NAA35: variants seen among roughly 807,000 people sequenced by gnomAD.
NAA35 encodes N-alpha-acetyltransferase 35, NatC auxiliary subunit, also known as MAK10 homolog, amino-acid N-acetyltransferase subunit.
NAA35 carries 18 observed loss-of-function variants against 101.7 expected under a neutral mutation model. That is an observed-to-expected ratio of 0.18 (90% confidence interval 0.12 to 0.26). NAA35 has a LOEUF of 0.26. Ranked by LOEUF, NAA35 falls within the 10% of genes least tolerant of loss-of-function variation. NAA35 has a pLI of 1.00. For missense variants in NAA35, 601 were observed against 886.8 expected (o/e 0.68, Z 4.09); for synonymous variants, 267 against 273.1 (o/e 0.98, Z 0.22).
At chr9:85,955,899 C>T (rs1303177146) in intron 2 of NAA35, among the ~76,000 whole-genome samples, 1 of 152,144 alleles carries the variant, frequency 6.6e-6, no homozygotes, top group African/African-American at 2.4e-5. Context: ...TACCTGTTTA[C>T]TCAAGTGTCT....
intron 2 of NAA35, among the ~76,000 whole-genome samples, chr9:85,955,346 ATATATATATATATATTTTT>A (rs1238220953): frequency 1.4e-5 from 1 of 69,404 alleles, no homozygotes; most frequent in African/African-American, 7.8e-5. Flanking sequence ...ATATATATAT[ATATATATATATATATTTTT>A]TTTTTTTTTT....
chr9:85,946,842 G>C (rs953945997), intron 2 of NAA35, among the ~76,000 whole-genome samples: 1 of 152,048 alleles, frequency 6.6e-6, no homozygotes, highest in Non-Finnish European at 1.5e-5. Context: ...ATTGGTTAAG[G>C]CCTTCCATAT....
chr9:86,003,750 A>C (rs1392540333), intron 13 of NAA35, 106 bp downstream of exon 13: 2 of 620,700 alleles, frequency 3.2e-6, no homozygotes, highest in African/African-American at 3.8e-5. Flanking sequence ...AGGATTTTCC[A>C]GTTAGTGTTG....
At chr9:86,012,789 T>C (rs4877958) in intron 15 of NAA35, among the ~76,000 whole-genome samples, 13,913 of 152,260 alleles carry the variant, frequency 0.091, 784 homozygotes, top group Non-Finnish European at 0.13. Flanking sequence ...CAAGAAGATA[T>C]CTAAAGATCG....
chr9:85,981,432 C>T (rs1368550320), intron 11 of NAA35, among the ~76,000 whole-genome samples: 2 of 152,150 alleles, frequency 1.3e-5, no homozygotes, highest in East Asian at 1.9e-4. Flanking sequence ...TTTCTTTTTG[C>T]CATGTCTGAC....
At chr9:86,021,077 AATC>A in intron 22 of NAA35, 108 bp downstream of exon 22, 3 of 762,108 alleles carry the variant, frequency 3.9e-6, no homozygotes, top group Non-Finnish European at 4.0e-6. Context: ...ACTGAACAAA[AATC>A]ATTCTAAAAA....
chr9:86,000,929 A>G (rs1831395498), intron 12 of NAA35, among the ~76,000 whole-genome samples: 1 of 151,846 alleles, frequency 6.6e-6, no homozygotes. Flanking sequence ...GCCTTCTGCT[A>G]GCTTGGAGAT....
Position 85,973,448 on chromosome 9 carries a change from C to G in NAA35, c.517-1519C>G, listed in dbSNP as rs1300552480. Among the ~76,000 whole-genome samples, 4 of 152,140 alleles carry G rather than the reference C, an allele frequency of 2.6e-5. No individual in the cohort carries two copies. In the East Asian group the frequency reaches 7.7e-4, roughly 29 times the overall value. Reference sequence around the variant, plus strand: ...TTACAAGAGTGAGCAATAGTGGTGACTTAAACTAGAGAGAGCTGTGAAAGG... The same window carrying G: ...TTACAAGAGTGAGCAATAGTGGTGAGTTAAACTAGAGAGAGCTGTGAAAGG... On this transcript the variant is annotated intron_variant, in intron 6 of 22. Transcript: ENST00000361671.
chr9:85,963,179 T>C (rs1282642631), intron 6 of NAA35, among the ~76,000 whole-genome samples: 2 of 152,122 alleles, frequency 1.3e-5, no homozygotes, highest in East Asian at 1.9e-4. Flanking sequence ...GTGTATAATA[T>C]GTAAAACTTT....
chr9:85,972,870 G>A (rs1341155325), intron 6 of NAA35, among the ~76,000 whole-genome samples: 1 of 152,152 alleles, frequency 6.6e-6, no homozygotes, highest in Non-Finnish European at 1.5e-5. Context: ...AAATAAAGCC[G>A]TGATCTCATG....
chr9:86,000,275 T>C (rs1831364950), intron 12 of NAA35, among the ~76,000 whole-genome samples: 1 of 152,212 alleles, frequency 6.6e-6, no homozygotes, highest in African/African-American at 2.4e-5. Flanking sequence ...ATTAGCTTTT[T>C]GATGTGCTGC....
At position 85,977,417 on chromosome 9, in the gene NAA35, A is replaced by T. The variant is rs200371490; in HGVS notation, c.733A>T (p.Thr245Ser). Residue 245 changes from threonine to serine, a missense_variant, in exon 10 of 23, where the codon ACA becomes TCA. By Grantham distance (58) the Thr-to-Ser change is moderately conservative. Coordinates refer to ENST00000361671, the MANE Select transcript of NAA35 (RefSeq NM_024635.4). Reference sequence around the variant, plus strand: ...AGTGAAATTTACTCGTGTGTTACTGACAGTGCTTATAGCCTTTACTAAGAA... The same window carrying T: ...AGTGAAATTTACTCGTGTGTTACTGTCAGTGCTTATAGCCTTTACTAAGAA... Reference protein sequence around the residue: ...SRVKFTRVLLTVLIAFTKKET... With the variant: ...SRVKFTRVLLSVLIAFTKKET... The T allele has an allele frequency of 1.7e-5, 27 of 1,611,532 alleles. No individual in the cohort carries two copies. In the East Asian group the frequency reaches 6.0e-4, roughly 36 times the overall value.
intron 14 of NAA35, 48 bp from the exon 15 acceptor site, chr9:86,009,817 T>A: frequency 6.8e-7 from 1 of 1,461,554 alleles, no homozygotes; most frequent in African/African-American, 1.4e-5. Flanking sequence ...TTGCTGCTGC[T>A]TTTGTTTGGG....
intron 10 of NAA35, 77 bp downstream of exon 10, chr9:85,977,523 C>A: frequency 9.9e-7 from 1 of 1,006,278 alleles, no homozygotes; most frequent in Non-Finnish European, 1.6e-6. Flanking sequence ...AGTTCTGAAA[C>A]TTCTCCCTTG....
At chr9:86,003,714 A>G (rs1284650136) in intron 13 of NAA35, 70 bp downstream of exon 13, 3 of 916,808 alleles carry the variant, frequency 3.3e-6, no homozygotes, top group African/African-American at 3.4e-5. Context: ...TTATTGATTG[A>G]TTGAACAAAA....
At chr9:85,971,905 G>T (rs1257773019) in intron 6 of NAA35, among the ~76,000 whole-genome samples, 1 of 150,378 alleles carries the variant, frequency 6.6e-6, no homozygotes, top group Non-Finnish European at 1.5e-5. Flanking sequence ...GTCATCATCA[G>T]CCCTTGCTTG....
At chr9:85,984,661 G>C (rs1830574195) in intron 11 of NAA35, among the ~76,000 whole-genome samples, 1 of 152,168 alleles carries the variant, frequency 6.6e-6, no homozygotes, top group Admixed American at 6.5e-5. Flanking sequence ...AGACAGTGTA[G>C]TTCTGGATAG....
Position 85,942,180 on chromosome 9 carries a change from AGAT to A in NAA35, c.27_29del (p.Asp11del), listed in dbSNP as rs985589632. 32 of 1,614,064 alleles carry A rather than the reference AGAT, an allele frequency of 2.0e-5. No individual in the cohort carries two copies. Among genetic ancestry groups the A allele is most frequent in the African/African-American group, 2.7e-5 (2 of 74,940 alleles). On this transcript the variant is annotated inframe_deletion, in exon 2 of 23. Transcript: ENST00000361671. ...GCATAATGGTTATGAAAGCTTCTGTAGATGATGACGATTCAGGATGGGAGCTCA... is the reference window on the plus strand; with the variant it reads ...GCATAATGGTTATGAAAGCTTCTGTAGATGACGATTCAGGATGGGAGCTCA...
At position 85,949,734 on chromosome 9, in the gene NAA35, T is replaced by C. The variant is rs190364956; in HGVS notation, c.125-6626T>C. Among the ~76,000 whole-genome samples, 249 of 152,302 alleles carry C rather than the reference T, an allele frequency of 1.6e-3. 2 individuals are homozygous for C. Among genetic ancestry groups the C allele is most frequent in the African/African-American group, 5.8e-3 (240 of 41,574 alleles). On this transcript the variant is annotated intron_variant, in intron 2 of 22. Coordinates refer to ENST00000361671, the MANE Select transcript of NAA35 (RefSeq NM_024635.4). ...GTCCAATTTTCCTCATATCAGATTT[T>C]TCCCTTTGCTCTGAATGGTGTAAGC... is the stretch of plus-strand genomic sequence containing the variant.
Sources: gnomAD v4.1 joint callset for allele counts (sites outside exome capture counted in the v4.1 genomes callset) on GRCh38, gnomAD v4.1.1 for gene constraint, MANE v1.5 for transcripts, NCBI Gene and HGNC (gene_info 2026-07-23, HGNC 2026-07-21) for gene names.